ATRNL1: variants seen among roughly 807,000 people sequenced by gnomAD.
ATRNL1 encodes attractin-like protein 1.
Under a neutral mutation model 182.7 loss-of-function variants are expected in ATRNL1, and 95 were observed. The observed-to-expected ratio is 0.52, with a 90% CI of 0.44 to 0.62. ATRNL1 has a LOEUF of 0.62. ATRNL1 is among the 20% of genes least tolerant of loss of function. The pLI, the probability that ATRNL1 is intolerant of heterozygous loss-of-function variation, is 0.00. For missense variants in ATRNL1, 1,471 were observed against 1,679.5 expected (o/e 0.88, Z 2.17); for synonymous variants, 576 against 568.3 (o/e 1.01, Z -0.19).
chr10:115,423,375 A>T (rs1349006105), intron 20 of ATRNL1, among the ~76,000 whole-genome samples: 2 of 152,092 alleles, frequency 1.3e-5, no homozygotes, highest in Non-Finnish European at 2.9e-5. Context: ...CTTAAGAAAA[A>T]TACAAAAAGC....
chr10:115,469,490 G>A (rs1201493084), intron 24 of ATRNL1, among the ~76,000 whole-genome samples, 161 bp downstream of exon 24: 1 of 150,464 alleles, frequency 6.6e-6, no homozygotes, highest in Non-Finnish European at 1.5e-5. Context: ...CTGTGATGAT[G>A]AATTTCTCTG....
At chr10:115,728,085 C>T (rs1434823876) in intron 27 of ATRNL1, among the ~76,000 whole-genome samples, 2 of 132,232 alleles carry the variant, frequency 1.5e-5, no homozygotes, top group Non-Finnish European at 3.1e-5. Context: ...ACCATCCTGG[C>T]TAACATGGTG....
At chr10:115,459,323 A>G (rs572187513) in intron 21 of ATRNL1, among the ~76,000 whole-genome samples, 9 of 152,332 alleles carry the variant, frequency 5.9e-5, no homozygotes, top group Admixed American at 5.2e-4. Flanking sequence ...TTAGCCGGGC[A>G]GAACAGAGCC....
intron 1 of ATRNL1, among the ~76,000 whole-genome samples, chr10:115,101,087 A>C (rs140497024): frequency 6.6e-6 from 1 of 152,248 alleles, no homozygotes; most frequent in East Asian, 1.9e-4. Context: ...AATCTTGCCA[A>C]ACTTACTTAT....
chr10:115,169,764 T>C (rs1268916), intron 7 of ATRNL1, among the ~76,000 whole-genome samples: 54,165 of 151,946 alleles, frequency 0.36, 10,084 homozygotes, highest in African/African-American at 0.45. Flanking sequence ...GTCTTCAGAC[T>C]CATAAACATG....
intron 24 of ATRNL1, among the ~76,000 whole-genome samples, chr10:115,500,943 T>TTTTTTA: frequency 6.8e-6 from 1 of 146,738 alleles, no homozygotes; most frequent in Non-Finnish European, 1.5e-5. Context: ...TTTTTTTTTT[T>TTTTTTA]TTGAGATAGA....
At chr10:115,411,131 A>C (rs950228514) in intron 20 of ATRNL1, among the ~76,000 whole-genome samples, 2 of 151,850 alleles carry the variant, frequency 1.3e-5, no homozygotes, top group African/African-American at 2.4e-5. Flanking sequence ...TGGCTGTTAC[A>C]TGCCCCTTAT....
rs139317968 is a variant in ATRNL1 at position 115,689,608 on chromosome 10, A to C, written c.3796-37640A>C. On this transcript the variant is annotated intron_variant, in intron 26 of 28. Coordinates refer to ENST00000355044, the MANE Select transcript of ATRNL1 (RefSeq NM_207303.4). ...CACCAGTATTAGCAGGATCAGACAG[A>C]CTGATTCTTAGGCCTCTAGGTGGCT... 2.6e-5 allele frequency among the ~76,000 whole-genome samples: 4 copies of C among 152,260 alleles called. No individual in the cohort carries two copies. In the East Asian group the frequency reaches 7.7e-4, roughly 29 times the overall value.
chr10:115,581,930 T>C (rs1855120344), intron 26 of ATRNL1, among the ~76,000 whole-genome samples: 1 of 129,586 alleles, frequency 7.7e-6, no homozygotes, highest in South Asian at 2.5e-4. Flanking sequence ...GAGTGTGATG[T>C]TCCCCTTCCT....
intron 18 of ATRNL1, among the ~76,000 whole-genome samples, chr10:115,333,885 A>T (rs782686961): frequency 6.6e-6 from 1 of 152,158 alleles, no homozygotes; most frequent in South Asian, 2.1e-4. Flanking sequence ...CTTTATTATC[A>T]TGTGTTAATA....
intron 28 of ATRNL1, among the ~76,000 whole-genome samples, chr10:115,885,993 T>C (rs1951935663): frequency 6.6e-6 from 1 of 152,224 alleles, no homozygotes; most frequent in South Asian, 2.1e-4. Context: ...ACAATGTCAG[T>C]GCCTGCGTTT....
intron 26 of ATRNL1, among the ~76,000 whole-genome samples, chr10:115,636,960 A>G (rs11814635): frequency 0.022 from 3,414 of 152,314 alleles, 119 homozygotes; most frequent in African/African-American, 0.078. Flanking sequence ...AGAGATCAGG[A>G]GTTATAGGAA....
At chr10:115,147,114 T>C (rs1846009975) in intron 5 of ATRNL1, among the ~76,000 whole-genome samples, 1 of 152,170 alleles carries the variant, frequency 6.6e-6, no homozygotes, top group Non-Finnish European at 1.5e-5. Flanking sequence ...AGTTCCCTTT[T>C]CTGTGTATCC....
At chr10:115,321,151 A>T (rs1554931358) in intron 18 of ATRNL1, among the ~76,000 whole-genome samples, 1 of 151,514 alleles carries the variant, frequency 6.6e-6, no homozygotes, top group Non-Finnish European at 1.5e-5. Context: ...GGTCCCTCTT[A>T]TGTAGGACTG....
intron 10 of ATRNL1, among the ~76,000 whole-genome samples, chr10:115,258,569 T>G (rs868974744): frequency 6.6e-6 from 1 of 152,238 alleles, no homozygotes; most frequent in Middle Eastern, 3.5e-3. Context: ...CATCCTCCTT[T>G]AGCTCAGAGA....
chr10:115,871,479 GTA>G (rs35917074), intron 28 of ATRNL1, among the ~76,000 whole-genome samples: 8 of 133,772 alleles, frequency 6.0e-5, no homozygotes, highest in African/African-American at 2.7e-4. Context: ...TTGTGTGTGT[GTA>G]TATATATATA....
intron 8 of ATRNL1, among the ~76,000 whole-genome samples, chr10:115,196,112 G>A (rs1379867955): frequency 6.6e-6 from 1 of 152,072 alleles, no homozygotes; most frequent in East Asian, 1.9e-4. Context: ...AGTGAACTAT[G>A]ATTGTGCCAC....
chr10:115,847,845 T>C (rs1424501274), intron 27 of ATRNL1, 32 bp from the exon 28 acceptor site: 2 of 1,224,196 alleles, frequency 1.6e-6, no homozygotes, highest in Non-Finnish European at 2.4e-6. Context: ...CTATGTCAAT[T>C]TTGCAAACTT....
intron 19 of ATRNL1, among the ~76,000 whole-genome samples, chr10:115,375,167 G>C (rs1360681619): frequency 6.6e-6 from 1 of 151,272 alleles, no homozygotes; most frequent in African/African-American, 2.4e-5. Flanking sequence ...TCTGATTTTG[G>C]TGCATATATA....
Sources: gnomAD v4.1 joint callset for allele counts (sites outside exome capture counted in the v4.1 genomes callset) on GRCh38, gnomAD v4.1.1 for gene constraint, MANE v1.5 for transcripts, NCBI Gene and HGNC (gene_info 2026-07-23, HGNC 2026-07-21) for gene names.